The following PTGES3L variants were observed in gnomAD, a reference collection of about 807,000 sequenced individuals.
The protein encoded by PTGES3L is putative protein PTGES3L.
In PTGES3L, 17 loss-of-function variants were observed where a neutral mutation model predicts 25.0. The ratio of observed to expected loss-of-function variants is 0.68; its 90% CI spans 0.47 to 1.02. The LOEUF (loss-of-function observed/expected upper bound fraction) is 1.02. Ranked by LOEUF, PTGES3L falls within the 50% of genes least tolerant of loss-of-function variation. PTGES3L has a pLI of 0.00. For missense variants in PTGES3L, 202 were observed against 197.5 expected, an observed-to-expected ratio of 1.02 and a Z score of -0.14; for synonymous variants, 59 against 65.7, an observed-to-expected ratio of 0.90 and a Z score of 0.50.
Position 42,969,286 on chromosome 17 carries a change from TTC to T in PTGES3L, c.433-102_433-101del. On this transcript the variant is annotated intron_variant, in intron 6 of 6. Transcript: ENST00000591916. ...GCTTCCTCTCTCCTGTTCTCCAAGT[TTC>T]TTTTTGTGATTTCCTAAACCACCCA... 5.5e-6 allele frequency: 4 copies of T among 727,764 alleles called. No homozygotes were observed. The South Asian group carries it at 1.1e-4, about 21-fold the overall frequency. The allele number at this position is 727,764 out of a possible 1,614,324, so 45.1% of individuals were successfully genotyped here.
intron 4 of PTGES3L, among the ~76,000 whole-genome samples, chr17:42,978,926 G>A (rs1186582000): frequency 6.6e-6 from 1 of 152,138 alleles, no homozygotes; most frequent in East Asian, 1.9e-4. Flanking sequence ...CTTGAACCCG[G>A]GAGGCGGAGG....
At chr17:42,973,404 G>A (rs1053849854) in intron 4 of PTGES3L, among the ~76,000 whole-genome samples, 9 of 147,060 alleles carry the variant, frequency 6.1e-5, no homozygotes, top group Admixed American at 4.1e-4. Context: ...CAGCCGCCCC[G>A]TCCGGGAGGT....
At chr17:42,970,612 T>A (rs898322340) in intron 5 of PTGES3L, among the ~76,000 whole-genome samples, 1 of 151,962 alleles carries the variant, frequency 6.6e-6, no homozygotes, top group Admixed American at 6.6e-5. Flanking sequence ...GGGCCAATTA[T>A]TTATGATGTG....
Position 42,969,086 on chromosome 17 carries a change from T to G in PTGES3L, c.*62A>C, listed in dbSNP as rs2049782272. The G allele has an allele frequency of 7.6e-7, 1 of 1,314,460 alleles. No homozygotes were observed. The highest frequency in any genetic ancestry group is 2.5e-5 in the East Asian group (1 of 39,794). 81.4% of individuals were successfully genotyped at this position (1,314,460 alleles called of 1,614,324 possible). On this transcript the variant is annotated 3_prime_UTR_variant, in exon 7 of 7. Transcript: ENST00000591916. ...AAAGCGCTGACAAAGGCCTAGGCGC[T>G]AGCTTTCTAGAACAACTGGAAAATA... is the stretch of plus-strand genomic sequence containing the variant.
In PTGES3L at chr17:42,979,378, C is replaced by G. The variant is rs1300961328; in HGVS notation, c.189G>C (p.Lys63Asn). The G allele has an allele frequency of 6.2e-7, 1 of 1,614,184 alleles. No individual in the cohort carries two copies. The highest frequency in any genetic ancestry group is 1.1e-5 in the South Asian group (1 of 91,086). ...CCTTACTGTCCCATTTCACCCTTAC[C>G]TTGGAGTTCACTTTGGCATAGAACT... ...EIEFYAKVNS[K>N]DSQDKRSSRS... The change falls in exon 3 of 7, where the codon AAG becomes AAC. Residue 63 changes from lysine (K) to asparagine (N), a missense_variant and splice_region_variant. Coordinates refer to ENST00000591916, the MANE Select transcript of PTGES3L (RefSeq NM_001261430.2).
In PTGES3L at chr17:42,979,164, A is replaced by T. The variant is rs1271067025; in HGVS notation, c.288+6T>A. ...AGAAGAAGCAGGCCACTTTCCACAC[A>T]CCCACCTTGATATCCTCCTTGGTAA... On this transcript the variant is annotated splice_donor_region_variant and intron_variant, in intron 4 of 6. Transcript: ENST00000591916. 1 of 1,613,984 alleles carries T rather than the reference A, an allele frequency of 6.2e-7. No individual in the cohort carries two copies. Among genetic ancestry groups the T allele is most frequent in the Non-Finnish European group, 8.5e-7 (1 of 1,180,018 alleles).
Position 42,979,196 on chromosome 17 carries a change from GCCAGGCCACCTTTTCCTT to G in PTGES3L, c.244_261del (p.Lys82_Trp87del). On this transcript the variant is annotated inframe_deletion, in exon 4 of 7. Transcript: ENST00000591916. Reference sequence around the variant, plus strand: ...TTGATATCCTCCTTGGTAAGCCGCGGCCAGGCCACCTTTTCCTTCCATTTTCTCACAAAACAAGTAATA... The same window carrying G: ...TTGATATCCTCCTTGGTAAGCCGCGGCCATTTTCTCACAAAACAAGTAATA... 1 of 1,614,078 alleles carries G rather than the reference GCCAGGCCACCTTTTCCTT, an allele frequency of 6.2e-7. No homozygotes were observed. Among genetic ancestry groups the G allele is most frequent in the Non-Finnish European group, 8.5e-7 (1 of 1,180,018 alleles).
intron 4 of PTGES3L, among the ~76,000 whole-genome samples, chr17:42,976,135 A>T (rs1461527644): frequency 6.6e-6 from 1 of 151,622 alleles, no homozygotes; most frequent in Admixed American, 6.6e-5. Flanking sequence ...GGCTCGCACC[A>T]CCACGCCCAG....
intron 4 of PTGES3L, among the ~76,000 whole-genome samples, chr17:42,972,360 C>T (rs1172581746): frequency 8.7e-6 from 1 of 114,762 alleles, no homozygotes; most frequent in Non-Finnish European, 1.7e-5. Context: ...CCCTCTCTTT[C>T]CACGGTCTCC....
intron 4 of PTGES3L, among the ~76,000 whole-genome samples, chr17:42,973,259 G>A (rs867896713): frequency 2.5e-4 from 30 of 119,316 alleles, no homozygotes; most frequent in African/African-American, 3.7e-4. Context: ...TCAGCCCCCC[G>A]CCCGGCCAGC....
At chr17:42,972,497 T>G (rs958296729) in intron 4 of PTGES3L, among the ~76,000 whole-genome samples, 1 of 152,110 alleles carries the variant, frequency 6.6e-6, no homozygotes, top group Non-Finnish European at 1.5e-5. Context: ...CACGCCTGAC[T>G]GGTTTTGGTG....
At chr17:42,972,659 T>C (rs1480589471) in intron 4 of PTGES3L, among the ~76,000 whole-genome samples, 1 of 152,094 alleles carries the variant, frequency 6.6e-6, no homozygotes, top group African/African-American at 2.4e-5. Flanking sequence ...AGTGGCATGA[T>C]CTCGGCTCGC....
At chr17:42,976,321 T>G (rs1406145715) in intron 4 of PTGES3L, among the ~76,000 whole-genome samples, 1 of 152,180 alleles carries the variant, frequency 6.6e-6, no homozygotes, top group African/African-American at 2.4e-5. Context: ...TTTTAGAAGA[T>G]GCACATTTTT....
intron 6 of PTGES3L, among the ~76,000 whole-genome samples, 154 bp downstream of exon 6, chr17:42,970,135 A>C (rs550395417): frequency 2.0e-4 from 30 of 152,028 alleles, no homozygotes; most frequent in African/African-American, 5.8e-4. Context: ...CCCACCCCCC[A>C]AAAAAAGAAT....
chr17:42,975,563 G>A (rs2049939477), intron 4 of PTGES3L, among the ~76,000 whole-genome samples: 1 of 152,186 alleles, frequency 6.6e-6, no homozygotes. Flanking sequence ...ATACCCAAGA[G>A]AGTCAGGGAG....
At chr17:42,977,805 G>A (rs1253509519) in intron 4 of PTGES3L, among the ~76,000 whole-genome samples, 1 of 152,108 alleles carries the variant, frequency 6.6e-6, no homozygotes, top group East Asian at 1.9e-4. Flanking sequence ...GAGGCCGGGT[G>A]CAGTGGCTCA....
intron 6 of PTGES3L, among the ~76,000 whole-genome samples, chr17:42,969,665 G>A (rs1268083784): frequency 1.3e-5 from 2 of 151,770 alleles, no homozygotes; most frequent in African/African-American, 4.8e-5. Flanking sequence ...GCCTCTCAAA[G>A]TGCTGGGATT....
intron 4 of PTGES3L, among the ~76,000 whole-genome samples, chr17:42,974,083 C>T (rs1305422865): frequency 2.6e-5 from 4 of 151,802 alleles, no homozygotes; most frequent in Non-Finnish European, 5.9e-5. Context: ...TGCAGCCAGG[C>T]GCAGTGGCTC....
intron 5 of PTGES3L, among the ~76,000 whole-genome samples, chr17:42,970,851 A>C (rs559569773): frequency 6.6e-6 from 1 of 151,994 alleles, no homozygotes; most frequent in South Asian, 2.1e-4. Flanking sequence ...AAAAATACAA[A>C]AAAAAATTAG....
Sources: allele counts gnomAD v4.1 joint callset (sites outside exome capture counted in the v4.1 genomes callset), GRCh38; gene constraint gnomAD v4.1.1; transcripts MANE v1.5; gene names NCBI Gene and HGNC (gene_info 2026-07-23, HGNC 2026-07-21).